ARHGAP15: variants seen among roughly 807,000 people sequenced by gnomAD.
ARHGAP15 encodes the protein Rho GTPase activating protein 15, also known as rho GTPase-activating protein 15.
In ARHGAP15, 51 loss-of-function variants were observed where a neutral mutation model predicts 63.7. The observed-to-expected ratio is 0.80, with a 90% confidence interval of 0.64 to 1.01. The LOEUF (loss-of-function observed/expected upper bound fraction) is 1.01, where lower values mean the gene tolerates loss of function less well. ARHGAP15 is among the 50% of genes least tolerant of loss of function. The pLI, the probability that ARHGAP15 is intolerant of heterozygous loss-of-function variation, is 0.00. For synonymous variants in ARHGAP15, 191 were observed against 193.8 expected, an observed-to-expected ratio of 0.99 and a Z score of 0.12; for missense variants, 560 against 564.6, an observed-to-expected ratio of 0.99 and a Z score of 0.08.
At chr2:143,300,724 A>T (rs1432424121) in intron 6 of ARHGAP15, among the ~76,000 whole-genome samples, 1 of 152,006 alleles carries the variant, frequency 6.6e-6, no homozygotes, top group Admixed American at 6.6e-5. Flanking sequence ...CACACATCTC[A>T]TCCCCTTACA....
At chr2:143,397,304 T>C (rs1036014468) in intron 6 of ARHGAP15, among the ~76,000 whole-genome samples, 1 of 143,938 alleles carries the variant, frequency 6.9e-6, no homozygotes. Flanking sequence ...ACAATAATAA[T>C]ATGAGATATG....
intron 6 of ARHGAP15, among the ~76,000 whole-genome samples, chr2:143,397,568 CGAAG>C (rs1558944207): frequency 4.0e-5 from 6 of 150,730 alleles, no homozygotes; most frequent in South Asian, 2.1e-4. Context: ...CAAAAAAAAA[CGAAG>C]AAGAAATAAA....
chr2:143,387,418 CTT>C (rs1687331594), intron 6 of ARHGAP15, among the ~76,000 whole-genome samples: 2 of 152,104 alleles, frequency 1.3e-5, no homozygotes, highest in African/African-American at 4.8e-5. Flanking sequence ...TGAGTGAACT[CTT>C]TAAAAAAATA....
At chr2:143,458,041 AAGT>A (rs1690744366) in intron 8 of ARHGAP15, among the ~76,000 whole-genome samples, 6 of 152,128 alleles carry the variant, frequency 3.9e-5, no homozygotes, top group Admixed American at 3.9e-4. Flanking sequence ...GTTATTTGGA[AAGT>A]AGTCTCTTAG....
intron 5 of ARHGAP15, among the ~76,000 whole-genome samples, chr2:143,246,044 G>A (rs1694034721): frequency 1.3e-5 from 2 of 152,140 alleles, no homozygotes; most frequent in Non-Finnish European, 2.9e-5. Context: ...ATTTTTAGGT[G>A]AACTAGTAGG....
intron 12 of ARHGAP15, among the ~76,000 whole-genome samples, chr2:143,627,013 T>C (rs1488089344): frequency 2.0e-5 from 3 of 152,162 alleles, no homozygotes; most frequent in African/African-American, 4.8e-5. Flanking sequence ...GAGAAACCTG[T>C]ATCTTCTTCC....
intron 9 of ARHGAP15, among the ~76,000 whole-genome samples, chr2:143,490,281 G>A (rs911370996): frequency 1.3e-5 from 2 of 152,066 alleles, no homozygotes; most frequent in African/African-American, 4.8e-5. Flanking sequence ...TTACAGGCAT[G>A]AGCCACCACG....
intron 6 of ARHGAP15, among the ~76,000 whole-genome samples, chr2:143,406,261 A>G (rs1219806340): frequency 6.6e-6 from 1 of 151,948 alleles, no homozygotes; most frequent in African/African-American, 2.4e-5. Flanking sequence ...AAGAGTTTAT[A>G]ATTCTAGTTT....
At chr2:143,545,121 T>C (rs911236973) in intron 10 of ARHGAP15, among the ~76,000 whole-genome samples, 1 of 152,108 alleles carries the variant, frequency 6.6e-6, no homozygotes, top group Non-Finnish European at 1.5e-5. Flanking sequence ...CTCAAATGGG[T>C]TTGTAGAATA....
intron 10 of ARHGAP15, among the ~76,000 whole-genome samples, chr2:143,529,545 A>G (rs115384872): frequency 0.025 from 3,807 of 152,094 alleles, 65 homozygotes; most frequent in Non-Finnish European, 0.04. Flanking sequence ...ATTCCACACT[A>G]ATTACCCCCA....
intron 12 of ARHGAP15, among the ~76,000 whole-genome samples, chr2:143,688,380 C>A (rs898622119): frequency 5.9e-5 from 9 of 152,128 alleles, no homozygotes; most frequent in African/African-American, 2.2e-4. Context: ...CCAGAATGAA[C>A]AGCACCAGTC....
intron 12 of ARHGAP15, chr2:143,656,063 TATA>T (rs1303808198): frequency 6.6e-6 from 1 of 152,238 alleles, no homozygotes; most frequent in Non-Finnish European, 1.5e-5. Flanking sequence ...GCTTATAAGT[TATA>T]ATATTTCTTA....
intron 8 of ARHGAP15, among the ~76,000 whole-genome samples, chr2:143,472,250 G>T (rs1381681752): frequency 2.6e-5 from 4 of 151,832 alleles, no homozygotes; most frequent in African/African-American, 4.8e-5. Context: ...TTAAATTAAG[G>T]TGTATAAAAT....
intron 6 of ARHGAP15, among the ~76,000 whole-genome samples, chr2:143,432,090 A>C (rs1459480430): frequency 6.6e-6 from 1 of 152,086 alleles, no homozygotes; most frequent in African/African-American, 2.4e-5. Flanking sequence ...TGAAATTAAA[A>C]TACCTACAAT....
At chr2:143,672,726 G>T (rs944427860) in intron 12 of ARHGAP15, among the ~76,000 whole-genome samples, 1 of 152,104 alleles carries the variant, frequency 6.6e-6, no homozygotes. Flanking sequence ...TAAATAAAAT[G>T]AATTTCCACA....
chr2:143,334,576 A>G (rs1447969865), intron 6 of ARHGAP15, among the ~76,000 whole-genome samples: 2 of 152,210 alleles, frequency 1.3e-5, no homozygotes. Flanking sequence ...CTTTAATAAT[A>G]GTGTGGGAGG....
At chr2:143,258,501 T>C (rs111999371) in intron 6 of ARHGAP15, among the ~76,000 whole-genome samples, 1 of 152,088 alleles carries the variant, frequency 6.6e-6, no homozygotes, top group African/African-American at 2.4e-5. Flanking sequence ...AGTCTCTCAA[T>C]GTAAGAGTTA....
At chr2:143,447,372 A>C (rs986803914) in intron 8 of ARHGAP15, among the ~76,000 whole-genome samples, 2 of 152,342 alleles carry the variant, frequency 1.3e-5, no homozygotes, top group African/African-American at 4.8e-5. Flanking sequence ...TAAAGTAAAC[A>C]TATTATACAA....
At chr2:143,523,530 C>G (rs1184603896) in intron 10 of ARHGAP15, among the ~76,000 whole-genome samples, 1 of 152,014 alleles carries the variant, frequency 6.6e-6, no homozygotes, top group Non-Finnish European at 1.5e-5. Flanking sequence ...AAGTGGCGAA[C>G]CAGTCATGTT....
Sources: allele counts gnomAD v4.1 joint callset (sites outside exome capture counted in the v4.1 genomes callset), GRCh38; gene constraint gnomAD v4.1.1; transcripts MANE v1.5; gene names NCBI Gene and HGNC (gene_info 2026-07-23, HGNC 2026-07-21).